The following IMMP2L variants were observed in gnomAD, a reference collection of about 807,000 sequenced individuals.
IMMP2L encodes the protein inner mitochondrial membrane peptidase subunit 2.
A neutral mutation model predicts 19.3 loss-of-function variants in IMMP2L; 18 were observed. That is an observed-to-expected ratio of 0.93 (90% CI 0.64 to 1.38). IMMP2L has a LOEUF of 1.38. Ranked by LOEUF, IMMP2L falls within the 40% of genes most tolerant of loss-of-function variation. IMMP2L has a pLI of 0.00. For synonymous variants in IMMP2L, 76 were observed against 73.0 expected (o/e 1.04, Z -0.21); for missense variants, 233 against 218.2 (o/e 1.07, Z -0.43).
chr7:110,862,346 T>C (rs1179246533), intron 5 of IMMP2L, among the ~76,000 whole-genome samples: 1 of 151,722 alleles, frequency 6.6e-6, no homozygotes, highest in African/African-American at 2.4e-5. Flanking sequence ...ATACATTTTT[T>C]ATTTTTTTTT....
chr7:111,091,726 A>G (rs1796884437), intron 3 of IMMP2L, among the ~76,000 whole-genome samples: 1 of 151,974 alleles, frequency 6.6e-6, no homozygotes, highest in Non-Finnish European at 1.5e-5. Context: ...GCATTTTACT[A>G]GCTTGAATGC....
At chr7:111,505,624 G>T (rs898903522) in intron 2 of IMMP2L, among the ~76,000 whole-genome samples, 3 of 152,084 alleles carry the variant, frequency 2.0e-5, no homozygotes, top group Admixed American at 1.3e-4. Context: ...TATACACCAT[G>T]GAATACTATG....
intron 3 of IMMP2L, among the ~76,000 whole-genome samples, chr7:111,268,179 T>G (rs1348411633): frequency 6.6e-6 from 1 of 152,090 alleles, no homozygotes. Context: ...CTATGTGTTA[T>G]ATATTATTCC....
rs559392503 is a variant in IMMP2L, at chr7:111,141,092, G to A, written c.240-177527C>T. Among the ~76,000 whole-genome samples, 12 of 152,252 alleles carry A rather than the reference G, an allele frequency of 7.9e-5. 1 individual carries two copies. Among genetic ancestry groups the A allele is most frequent in the African/African-American group, 2.6e-4 (11 of 41,548 alleles). On this transcript the variant is annotated intron_variant, in intron 3 of 5. Transcript: ENST00000405709. Reference sequence around the variant, plus strand: ...GCACTCAGATCTTCCAGCTGCAATCGTCTCTACCCTATGCATTAGTGTCTG... The same window carrying A: ...GCACTCAGATCTTCCAGCTGCAATCATCTCTACCCTATGCATTAGTGTCTG...
At chr7:111,401,119 T>C (rs1416548570) in intron 3 of IMMP2L, among the ~76,000 whole-genome samples, 1 of 152,144 alleles carries the variant, frequency 6.6e-6, no homozygotes, top group African/African-American at 2.4e-5. Context: ...GTGGTGAGAT[T>C]GTTTATCTTG....
intron 3 of IMMP2L, among the ~76,000 whole-genome samples, chr7:111,242,834 C>A (rs1193161201): frequency 6.6e-6 from 1 of 151,866 alleles, no homozygotes; most frequent in African/African-American, 2.4e-5. Flanking sequence ...ATAAATATTC[C>A]TCAACTAATT....
At chr7:111,021,651 G>C (rs1248448985) in intron 3 of IMMP2L, among the ~76,000 whole-genome samples, 1 of 152,236 alleles carries the variant, frequency 6.6e-6, no homozygotes, top group Non-Finnish European at 1.5e-5. Flanking sequence ...TGGAGGCCAA[G>C]GTGGGAGGAT....
intron 4 of IMMP2L, among the ~76,000 whole-genome samples, chr7:110,933,582 C>T (rs1451344662): frequency 6.6e-6 from 1 of 152,052 alleles, no homozygotes; most frequent in Non-Finnish European, 1.5e-5. Flanking sequence ...TTTCTTTAAA[C>T]TCTTTGGTGT....
chr7:110,780,336 CTG>C (rs768364215), intron 5 of IMMP2L, among the ~76,000 whole-genome samples: 8 of 151,170 alleles, frequency 5.3e-5, no homozygotes, highest in Non-Finnish European at 1.2e-4. Flanking sequence ...AAAAAACAAA[CTG>C]TTACGGTTTA....
chr7:110,873,288 T>C (rs1004910450), intron 5 of IMMP2L, among the ~76,000 whole-genome samples: 3 of 151,448 alleles, frequency 2.0e-5, no homozygotes, highest in Non-Finnish European at 1.5e-5. Context: ...GCTGGCATGG[T>C]GGCGCATGCC....
chr7:111,229,898 G>C (rs1165341093), intron 3 of IMMP2L, among the ~76,000 whole-genome samples: 1 of 151,986 alleles, frequency 6.6e-6, no homozygotes, highest in African/African-American at 2.4e-5. Flanking sequence ...AAGAACGGAA[G>C]ATTATGTAAG....
intron 1 of IMMP2L, among the ~76,000 whole-genome samples, chr7:111,524,371 A>G (rs1347758173): frequency 6.6e-6 from 1 of 152,140 alleles, no homozygotes; most frequent in Admixed American, 6.6e-5. Context: ...GTAGAAGAGA[A>G]AGGAAACGGC....
chr7:111,420,346 C>A (rs114062263), intron 3 of IMMP2L, among the ~76,000 whole-genome samples: 2,174 of 151,762 alleles, frequency 0.014, 112 homozygotes, highest in African/African-American at 0.051. Flanking sequence ...ACTTCTCTGA[C>A]CAAGGACAGT....
At chr7:111,166,395 A>G (rs1239490211) in intron 3 of IMMP2L, among the ~76,000 whole-genome samples, 1 of 151,990 alleles carries the variant, frequency 6.6e-6, no homozygotes, top group Admixed American at 6.6e-5. Context: ...TTTATTATTT[A>G]TTATATTATA....
At chr7:111,396,027 G>A (rs890145865) in intron 3 of IMMP2L, among the ~76,000 whole-genome samples, 2 of 152,174 alleles carry the variant, frequency 1.3e-5, no homozygotes, top group Non-Finnish European at 2.9e-5. Flanking sequence ...CTTTTACAGT[G>A]TTGGTGGGAG....
At chr7:111,106,712 A>G (rs1798589939) in intron 3 of IMMP2L, among the ~76,000 whole-genome samples, 1 of 148,202 alleles carries the variant, frequency 6.7e-6, no homozygotes, top group Admixed American at 6.9e-5. Context: ...TAGGATGCAC[A>G]TAAAAACTGC....
intron 3 of IMMP2L, chr7:111,483,531 TAAAC>T (rs1244161269): frequency 1.3e-5 from 2 of 152,092 alleles, no homozygotes; most frequent in Non-Finnish European, 2.9e-5. Flanking sequence ...ATAACATACT[TAAAC>T]AATAACTCCA....
chr7:110,847,880 G>C (rs964031890), intron 5 of IMMP2L, among the ~76,000 whole-genome samples: 3 of 152,006 alleles, frequency 2.0e-5, no homozygotes, highest in Non-Finnish European at 4.4e-5. Flanking sequence ...AAAAAATCTA[G>C]ACAGACTTTA....
At chr7:111,042,990 A>G (rs1019162158) in intron 3 of IMMP2L, among the ~76,000 whole-genome samples, 2 of 152,178 alleles carry the variant, frequency 1.3e-5, no homozygotes, top group Admixed American at 1.3e-4. Context: ...AAATGTCAAA[A>G]GTGGATGGGG....
Sources: gnomAD v4.1 joint callset for allele counts (sites outside exome capture counted in the v4.1 genomes callset) on GRCh38, gnomAD v4.1.1 for gene constraint, MANE v1.5 for transcripts, NCBI Gene and HGNC (gene_info 2026-07-23, HGNC 2026-07-21) for gene names.